ADAMTS18: variants seen among roughly 807,000 people sequenced by gnomAD.
ADAMTS18 encodes the protein A disintegrin and metalloproteinase with thrombospondin motifs 18.
A neutral mutation model predicts 165.9 loss-of-function variants in ADAMTS18; 157 were observed. The observed-to-expected ratio is 0.95, with a 90% confidence interval of 0.83 to 1.08. ADAMTS18 has a LOEUF of 1.08. ADAMTS18 is among the 50% of genes least tolerant of loss of function. The pLI is 0.00. For missense variants in ADAMTS18, 2,040 were observed against 1,534.0 expected, an observed-to-expected ratio of 1.33 and a Z score of -5.51; for synonymous variants, 782 against 578.2, an observed-to-expected ratio of 1.35 and a Z score of -5.06.
chr16:77,292,216 T>C (rs1409275893), intron 20 of ADAMTS18, among the ~76,000 whole-genome samples: 3 of 152,156 alleles, frequency 2.0e-5, no homozygotes, highest in Admixed American at 6.5e-5. Flanking sequence ...GCAGATTACC[T>C]GAGCGAGGGA....
At chr16:77,369,722 G>A (rs894914636) in intron 3 of ADAMTS18, among the ~76,000 whole-genome samples, 3 of 152,144 alleles carry the variant, frequency 2.0e-5, no homozygotes, top group Non-Finnish European at 4.4e-5. Context: ...TGAAGAGGGG[G>A]TAGTTTTCCA....
chr16:77,320,448 G>C (rs1183852985), intron 15 of ADAMTS18, among the ~76,000 whole-genome samples: 3 of 152,108 alleles, frequency 2.0e-5, no homozygotes, highest in Admixed American at 1.3e-4. Flanking sequence ...AGACCAGCCT[G>C]GCCAGTGTGG....
intron 3 of ADAMTS18, among the ~76,000 whole-genome samples, chr16:77,381,776 T>C (rs1211390852): frequency 5.3e-5 from 8 of 152,190 alleles, no homozygotes; most frequent in Admixed American, 4.6e-4. Flanking sequence ...CAGTCCACCC[T>C]GGGTGACAGA....
chr16:77,348,786 A>G (rs1446457522), intron 10 of ADAMTS18, among the ~76,000 whole-genome samples: 1 of 152,228 alleles, frequency 6.6e-6, no homozygotes, highest in Non-Finnish European at 1.5e-5. Flanking sequence ...TAAAAGGGAC[A>G]CATAAGCTGG....
chr16:77,363,815 A>G lies in ADAMTS18; in HGVS notation c.1043T>C (p.Leu348Pro). 1.9e-6 allele frequency: 3 copies of G among 1,613,990 alleles called. No homozygotes were observed. The highest frequency in any genetic ancestry group is 2.5e-6 in the Non-Finnish European group (3 of 1,179,944). Residue 348 changes from leucine to proline, a missense_variant, in exon 6 of 23, where the codon CTG becomes CCG. Physicochemically the swap from Leu to Pro is moderately conservative, Grantham distance 98. Transcript: ENST00000282849. ...INVVVVSLIL[L>P]EQEPGGLLIN... is the part of the protein sequence containing the mutation. Reference sequence around the variant, plus strand: ...TTTGCCACTTACAGGTTCTTGTTCCAGAAGAATTAGGCTCACCACAACCAC... The same window carrying G: ...TTTGCCACTTACAGGTTCTTGTTCCGGAAGAATTAGGCTCACCACAACCAC...
intron 11 of ADAMTS18, among the ~76,000 whole-genome samples, chr16:77,341,325 G>A (rs772926600): frequency 8.9e-4 from 135 of 152,172 alleles, no homozygotes; most frequent in African/African-American, 3.0e-3. Context: ...CTGAGTAGCC[G>A]AAGCCTTGGT....
chr16:77,365,418 T>C (rs2056778760), intron 4 of ADAMTS18, among the ~76,000 whole-genome samples: 1 of 152,236 alleles, frequency 6.6e-6, no homozygotes. Context: ...TAAACTCTCA[T>C]TTCATCAACA....
intron 16 of ADAMTS18, among the ~76,000 whole-genome samples, chr16:77,313,614 G>A (rs1042082615): frequency 2.0e-5 from 3 of 152,080 alleles, no homozygotes; most frequent in Non-Finnish European, 2.9e-5. Flanking sequence ...GGTAAAAAAC[G>A]TATTTCTCAT....
chr16:77,373,210 G>A (rs2144755340), intron 3 of ADAMTS18, among the ~76,000 whole-genome samples: 1 of 152,166 alleles, frequency 6.6e-6, no homozygotes, highest in Admixed American at 6.5e-5. Flanking sequence ...TATCCTCTCA[G>A]CCAGGTGTGG....
chr16:77,357,866 T>C (rs1292949482), intron 8 of ADAMTS18, among the ~76,000 whole-genome samples: 1 of 152,234 alleles, frequency 6.6e-6, no homozygotes, highest in East Asian at 1.9e-4. Context: ...AACCTCTGAC[T>C]TCTCTCCTGA....
intron 8 of ADAMTS18, among the ~76,000 whole-genome samples, chr16:77,358,129 T>C (rs1208610533): frequency 6.6e-6 from 1 of 152,212 alleles, no homozygotes; most frequent in Non-Finnish European, 1.5e-5. Context: ...CCATTTACAA[T>C]TTTAAAAATT....
At chr16:77,356,740 G>T (rs1280403775) in intron 8 of ADAMTS18, among the ~76,000 whole-genome samples, 1 of 152,090 alleles carries the variant, frequency 6.6e-6, no homozygotes, top group Non-Finnish European at 1.5e-5. Flanking sequence ...TCACAGAAGG[G>T]TCTAGTAATT....
Position 77,431,336 on chromosome 16 carries a change from C to A in ADAMTS18, c.454G>T (p.Asp152Tyr). The A allele has an allele frequency of 6.2e-7, 1 of 1,614,154 alleles. No individual in the cohort carries two copies. The highest frequency in any genetic ancestry group is 8.5e-7 in the Non-Finnish European group (1 of 1,180,018). ...GACACAGCGACAGAGGAGGAGCTGT[C>A]ATTTCTGATAAATCCCTGATAGAAG... Reference protein sequence around the residue: ...QCFYQGFIRNDSSSSVAVSTC... With the variant: ...QCFYQGFIRNYSSSSVAVSTC... The change falls in exon 3 of 23, where the codon GAC becomes TAC. Residue 152 changes from aspartate to tyrosine, a missense_variant. Coordinates refer to ENST00000282849, the MANE Select transcript of ADAMTS18 (RefSeq NM_199355.4).
At chr16:77,396,135 C>G (rs986532947) in intron 3 of ADAMTS18, among the ~76,000 whole-genome samples, 1 of 152,178 alleles carries the variant, frequency 6.6e-6, no homozygotes, top group Admixed American at 6.5e-5. Context: ...CATTGACGAC[C>G]AAGCTCTGTT....
intron 16 of ADAMTS18, among the ~76,000 whole-genome samples, chr16:77,316,689 GGA>G (rs550772082): frequency 1.1e-3 from 172 of 151,964 alleles, no homozygotes; most frequent in African/African-American, 4.1e-3. Context: ...TTATTTATTT[GGA>G]GAGAGTCTCA....
chr16:77,350,252 T>A (rs544212798), intron 10 of ADAMTS18, among the ~76,000 whole-genome samples: 8 of 152,054 alleles, frequency 5.3e-5, no homozygotes, highest in East Asian at 1.9e-4. Context: ...AGAACAGAGA[T>A]CAAGTCTGGC....
intron 3 of ADAMTS18, among the ~76,000 whole-genome samples, chr16:77,412,367 T>C (rs2057476268): frequency 6.6e-6 from 1 of 152,020 alleles, no homozygotes; most frequent in Non-Finnish European, 1.5e-5. Flanking sequence ...TCGCTGTAAC[T>C]CAGGCTAGAG....
chr16:77,349,558 C>T (rs2056525667), intron 10 of ADAMTS18, among the ~76,000 whole-genome samples: 1 of 139,942 alleles, frequency 7.1e-6, no homozygotes, highest in Non-Finnish European at 1.5e-5. Flanking sequence ...AGCCGGTTCA[C>T]TGAGCCAGAC....
At position 77,364,308 on chromosome 16, in the gene ADAMTS18, T is replaced by A. The variant is rs2144736998; in HGVS notation, c.852A>T (p.Arg284Ser). 1 of 1,613,978 alleles carries A rather than the reference T, an allele frequency of 6.2e-7. No individual in the cohort carries two copies. Among genetic ancestry groups the A allele is most frequent in the Admixed American group, 1.7e-5 (1 of 59,968 alleles). The part of the protein sequence containing the change: ...DEYGSSGRPR[R>S]SAGKSQKGLN... ...GGCCCTTTTGTGATTTTCCAGCTGATCTTCTGGGTCGCCCAGAGCTCCCAT... is the reference window on the plus strand; with the variant it reads ...GGCCCTTTTGTGATTTTCCAGCTGAACTTCTGGGTCGCCCAGAGCTCCCAT... Residue 284 changes from arginine (R) to serine (S), a missense_variant, in exon 5 of 23, where the codon AGA (arginine) becomes AGT (serine). By Grantham distance (110) the Arg-to-Ser change is moderately radical (BLOSUM62 -1). Transcript: ENST00000282849.
Sources: gnomAD v4.1 joint callset for allele counts (sites outside exome capture counted in the v4.1 genomes callset) on GRCh38, gnomAD v4.1.1 for gene constraint, MANE v1.5 for transcripts, NCBI Gene and HGNC (gene_info 2026-07-23, HGNC 2026-07-21) for gene names.